MCTP1: variants seen among roughly 807,000 people sequenced by gnomAD.
MCTP1 encodes multiple C2 and transmembrane domain-containing protein 1.
Under a neutral mutation model 120.6 loss-of-function variants are expected in MCTP1, and 69 were observed. The observed-to-expected ratio is 0.57, with a 90% CI of 0.47 to 0.70. The LOEUF is 0.70. Among genes scored for constraint, MCTP1 ranks in the 30% least tolerant of loss-of-function variants. MCTP1 has a pLI of 0.00. For synonymous variants in MCTP1, 529 were observed against 493.1 expected (o/e 1.07, Z -0.96); for missense variants, 1,203 against 1,248.8 (o/e 0.96, Z 0.55).
At chr5:94,886,662 C>T (rs539858705) in intron 12 of MCTP1, among the ~76,000 whole-genome samples, 40 of 152,268 alleles carry the variant, frequency 2.6e-4, no homozygotes, top group African/African-American at 9.4e-4. Context: ...CCTAAATGGA[C>T]GCTAAGTTGA....
chr5:94,910,471 C>A (rs992813544), intron 9 of MCTP1, among the ~76,000 whole-genome samples: 1 of 151,880 alleles, frequency 6.6e-6, no homozygotes. Context: ...CATGCAGTGG[C>A]CTTTTCTCTT....
At chr5:94,807,545 C>A (rs927866448) in intron 17 of MCTP1, among the ~76,000 whole-genome samples, 1 of 152,142 alleles carries the variant, frequency 6.6e-6, no homozygotes, top group African/African-American at 2.4e-5. Context: ...TGTGAATTAA[C>A]CCCACCAATT....
chr5:95,114,002 C>T (rs1053057942), intron 1 of MCTP1, among the ~76,000 whole-genome samples: 9 of 152,178 alleles, frequency 5.9e-5, no homozygotes, highest in Non-Finnish European at 1.5e-5. Flanking sequence ...TTTCCAGGTT[C>T]TACTTGTGGA....
intron 1 of MCTP1, among the ~76,000 whole-genome samples, chr5:95,125,374 T>C (rs900238653): frequency 2.0e-5 from 3 of 152,232 alleles, no homozygotes; most frequent in African/African-American, 7.2e-5. Flanking sequence ...CACAATCTAA[T>C]GTCTGCTGTT....
At chr5:94,972,074 T>G (rs1827011199) in intron 2 of MCTP1, among the ~76,000 whole-genome samples, 1 of 152,130 alleles carries the variant, frequency 6.6e-6, no homozygotes, top group Non-Finnish European at 1.5e-5. Flanking sequence ...TCTCTCTGCC[T>G]TCCTTCAAAC....
At chr5:94,881,050 T>C (rs546113232) in intron 12 of MCTP1, among the ~76,000 whole-genome samples, 309 of 152,146 alleles carry the variant, frequency 2.0e-3, no homozygotes, top group Non-Finnish European at 3.8e-3. Context: ...TAGAGGATAT[T>C]AAGCCTAAAG....
chr5:95,261,390 A>G (rs1758459011), intron 1 of MCTP1, among the ~76,000 whole-genome samples: 1 of 152,260 alleles, frequency 6.6e-6, no homozygotes, highest in South Asian at 2.1e-4. Flanking sequence ...AGCTGAAAAA[A>G]AAGATTCCTC....
At chr5:95,076,686 G>A (rs1753665299) in intron 1 of MCTP1, among the ~76,000 whole-genome samples, 1 of 152,088 alleles carries the variant, frequency 6.6e-6, no homozygotes, top group South Asian at 2.1e-4. Flanking sequence ...GAAATCAAAT[G>A]TATTTCAAAT....
intron 1 of MCTP1, among the ~76,000 whole-genome samples, chr5:95,053,250 C>T (rs1437605050): frequency 2.6e-5 from 4 of 152,144 alleles, no homozygotes; most frequent in Non-Finnish European, 5.9e-5. Flanking sequence ...AGCATATCTC[C>T]ACCCCCACTT....
At position 95,202,897 on chromosome 5, in the gene MCTP1, T is replaced by G. The variant is rs562665652; in HGVS notation, c.720+80959A>C. 8.6e-4 allele frequency among the ~76,000 whole-genome samples: 131 copies of G among 152,102 alleles called. 1 individual carries two copies. The highest frequency in any genetic ancestry group is 3.1e-3 in the African/African-American group (128 of 41,498). On this transcript the variant is annotated intron_variant, in intron 1 of 22. Transcript: ENST00000515393. Reference sequence around the variant, plus strand: ...TGAGTGCCGCCAGACCCAACTAATTTTTTGTATTTTTGGTACAGACGGGGT... The same window carrying G: ...TGAGTGCCGCCAGACCCAACTAATTGTTTGTATTTTTGGTACAGACGGGGT...
chr5:94,821,673 C>A (rs895599743), intron 17 of MCTP1, among the ~76,000 whole-genome samples: 7 of 152,060 alleles, frequency 4.6e-5, no homozygotes, highest in Non-Finnish European at 5.9e-5. Context: ...ATACAGTTGT[C>A]CCTTGGTATA....
intron 1 of MCTP1, among the ~76,000 whole-genome samples, chr5:95,070,112 G>A (rs1377106042): frequency 1.3e-5 from 2 of 152,132 alleles, no homozygotes; most frequent in Admixed American, 6.6e-5. Context: ...GAATTTTCCC[G>A]CCCTTGTCAA....
intron 17 of MCTP1, among the ~76,000 whole-genome samples, chr5:94,851,480 T>G (rs1477082859): frequency 6.6e-6 from 1 of 152,058 alleles, no homozygotes; most frequent in Non-Finnish European, 1.5e-5. Context: ...TTACCCATCT[T>G]TAATATTGCT....
intron 22 of MCTP1, chr5:94,708,242 A>C (rs888591175): frequency 4.0e-6 from 1 of 251,452 alleles, no homozygotes; most frequent in African/African-American, 2.2e-5. Flanking sequence ...TCCCTGTCAC[A>C]AACTCCAGCT....
rs1763057695 is a variant in MCTP1 at position 94,731,180 on chromosome 5, T to C, written c.2611-16294A>G. On this transcript the variant is annotated intron_variant, in intron 19 of 22. Transcript: ENST00000515393. ...AAATCTCTACATACGTGGGGGAATT[T>C]AAGATTGTTTTGAGTTTAATTTAGG... Among the ~76,000 whole-genome samples the C allele has an allele frequency of 2.0e-5, 3 of 152,130 alleles. No homozygotes were observed. The South Asian group carries it at 6.2e-4, about 32-fold the overall frequency.
chr5:94,926,135 G>T (rs2113070), intron 6 of MCTP1, among the ~76,000 whole-genome samples: 18,038 of 152,056 alleles, frequency 0.12, 1,179 homozygotes, highest in Admixed American at 0.14. Flanking sequence ...TTTTTCATCA[G>T]ATGGAATAAC....
At chr5:94,738,579 T>G (rs1045598550) in intron 19 of MCTP1, among the ~76,000 whole-genome samples, 4 of 152,192 alleles carry the variant, frequency 2.6e-5, no homozygotes, top group East Asian at 1.9e-4. Flanking sequence ...GTTTAAGACT[T>G]AACTCAAAGC....
At chr5:95,100,182 G>C (rs1366008038) in intron 1 of MCTP1, among the ~76,000 whole-genome samples, 1 of 151,338 alleles carries the variant, frequency 6.6e-6, no homozygotes, top group African/African-American at 2.4e-5. Context: ...TAGATGACGA[G>C]TTAGTGGGTG....
chr5:95,216,562 G>T lies in MCTP1; in HGVS notation c.720+67294C>A, dbSNP rs1205253769. Among the ~76,000 whole-genome samples the T allele has an allele frequency of 5.3e-5, 8 of 152,298 alleles. No homozygotes were observed. The East Asian group carries it at 1.2e-3, about 22-fold the overall frequency. On this transcript the variant is annotated intron_variant, in intron 1 of 22. Coordinates refer to ENST00000515393, the MANE Select transcript of MCTP1 (RefSeq NM_024717.7). Reference sequence around the variant, plus strand: ...TGGGATGGCTCTACACAAATTGTATGAGTTTCTCCTTAGGCATTCAGAGGA... The same window carrying T: ...TGGGATGGCTCTACACAAATTGTATTAGTTTCTCCTTAGGCATTCAGAGGA...
Sources: gnomAD v4.1 joint callset for allele counts (sites outside exome capture counted in the v4.1 genomes callset) on GRCh38, gnomAD v4.1.1 for gene constraint, MANE v1.5 for transcripts, NCBI Gene and HGNC (gene_info 2026-07-23, HGNC 2026-07-21) for gene names.